Variants in TYR observed in about 807,000 individuals in gnomAD.
TYR encodes tyrosinase, also known as LB24-AB.
Under a neutral mutation model 51.5 loss-of-function variants are expected in TYR, and 58 were observed. That is an observed-to-expected ratio of 1.13 (90% CI 0.91 to 1.40). TYR has a LOEUF of 1.40. TYR is among the 40% of genes most tolerant of loss of function. The probability of loss-of-function intolerance (pLI) is 0.00; values close to 1 mark genes in which losing one functional copy is unlikely to be tolerated. For missense variants in TYR, 732 were observed against 647.4 expected, an observed-to-expected ratio of 1.13 and a Z score of -1.42; for synonymous variants, 263 against 235.2, an observed-to-expected ratio of 1.12 and a Z score of -1.08.
intron 2 of TYR, among the ~76,000 whole-genome samples, chr11:89,198,229 A>AC (rs1317583484): frequency 1.3e-5 from 2 of 151,760 alleles, no homozygotes; most frequent in African/African-American, 2.4e-5. Flanking sequence ...AACAACAACA[A>AC]AAAAAAAGGT....
At chr11:89,224,321 T>C (rs1445307321) in intron 2 of TYR, among the ~76,000 whole-genome samples, 1 of 152,148 alleles carries the variant, frequency 6.6e-6, no homozygotes, top group Non-Finnish European at 1.5e-5. Flanking sequence ...AAATTAATCC[T>C]TGCCACCAAC....
At chr11:89,262,028 A>T (rs988620901) in intron 3 of TYR, among the ~76,000 whole-genome samples, 4 of 152,156 alleles carry the variant, frequency 2.6e-5, no homozygotes, top group Non-Finnish European at 4.4e-5. Flanking sequence ...TACCAAAGCC[A>T]TGGAGAATAG....
At chr11:89,290,325 G>T (rs1944840739) in intron 4 of TYR, among the ~76,000 whole-genome samples, 1 of 152,000 alleles carries the variant, frequency 6.6e-6, no homozygotes, top group South Asian at 2.1e-4. Flanking sequence ...AGTAAAAATT[G>T]AGACCACTTG....
chr11:89,210,499 T>C (rs1237781280), intron 2 of TYR, among the ~76,000 whole-genome samples: 1 of 152,222 alleles, frequency 6.6e-6, no homozygotes, highest in Non-Finnish European at 1.5e-5. Flanking sequence ...TTGATTCGTG[T>C]ACCTGAAAGT....
chr11:89,287,636 C>T (rs899378842), intron 4 of TYR, among the ~76,000 whole-genome samples: 1 of 151,812 alleles, frequency 6.6e-6, no homozygotes, highest in African/African-American at 2.4e-5. Flanking sequence ...GTAGAATTAA[C>T]TAGTTGAAAA....
chr11:89,223,899 T>C (rs1943944552), intron 2 of TYR, among the ~76,000 whole-genome samples: 1 of 139,786 alleles, frequency 7.2e-6, no homozygotes, highest in African/African-American at 2.9e-5. Flanking sequence ...TTGTGCTTTT[T>C]CTTTAGCTGT....
intron 4 of TYR, among the ~76,000 whole-genome samples, chr11:89,286,347 C>T (rs977599701): frequency 6.6e-5 from 10 of 151,808 alleles, no homozygotes; most frequent in African/African-American, 2.4e-4. Context: ...GAAAAGGACA[C>T]GAAGAAAATA....
intron 3 of TYR, among the ~76,000 whole-genome samples, chr11:89,250,621 C>G (rs1944319525): frequency 6.6e-6 from 1 of 151,880 alleles, no homozygotes; most frequent in Non-Finnish European, 1.5e-5. Context: ...TTAATTTCTT[C>G]TAAGGCCTCT....
chr11:89,261,687 A>T (rs1324120941), intron 3 of TYR, among the ~76,000 whole-genome samples: 1 of 152,264 alleles, frequency 6.6e-6, no homozygotes, highest in African/African-American at 2.4e-5. Flanking sequence ...CTTGCGCAAT[A>T]CTATATGCCA....
At chr11:89,211,518 C>T (rs1943755601) in intron 2 of TYR, among the ~76,000 whole-genome samples, 1 of 152,094 alleles carries the variant, frequency 6.6e-6, no homozygotes, top group Non-Finnish European at 1.5e-5. Context: ...CTTTAACACC[C>T]CACTGTCAAT....
intron 2 of TYR, among the ~76,000 whole-genome samples, chr11:89,212,598 T>C (rs1038453379): frequency 6.6e-6 from 1 of 152,206 alleles, no homozygotes; most frequent in Non-Finnish European, 1.5e-5. Flanking sequence ...GAGGCCAGCA[T>C]CATCCTCATA....
chr11:89,182,280 G>A (rs76813036), intron 1 of TYR, among the ~76,000 whole-genome samples: 2,179 of 152,210 alleles, frequency 0.014, 51 homozygotes, highest in African/African-American at 0.05. Context: ...TCAAAGAAAC[G>A]TTAGCTCCAA....
intron 4 of TYR, among the ~76,000 whole-genome samples, chr11:89,287,300 A>G (rs1944800223): frequency 6.6e-6 from 1 of 151,890 alleles, no homozygotes; most frequent in Non-Finnish European, 1.5e-5. Flanking sequence ...GAAGTTTTCT[A>G]GAAAAATGCC....
intron 2 of TYR, among the ~76,000 whole-genome samples, chr11:89,225,098 C>T (rs1591166584): frequency 6.6e-6 from 1 of 151,238 alleles, no homozygotes; most frequent in Admixed American, 6.6e-5. Context: ...AATTGATATA[C>T]CTATTTTTGT....
chr11:89,179,012 C>A (rs976690936), intron 1 of TYR, among the ~76,000 whole-genome samples: 3 of 152,026 alleles, frequency 2.0e-5, no homozygotes, highest in Non-Finnish European at 2.9e-5. Context: ...GAACAGAGTA[C>A]TTGATTCATT....
chr11:89,266,354 T>A (rs1401976506), intron 3 of TYR, among the ~76,000 whole-genome samples: 3 of 151,992 alleles, frequency 2.0e-5, no homozygotes, highest in Non-Finnish European at 1.5e-5. Flanking sequence ...AGATAATTCA[T>A]AGAGAATTTT....
intron 4 of TYR, among the ~76,000 whole-genome samples, chr11:89,289,980 A>C (rs1182172332): frequency 6.6e-6 from 1 of 152,082 alleles, no homozygotes; most frequent in African/African-American, 2.4e-5. Flanking sequence ...AGGGCTATAC[A>C]TACATTGTCT....
chr11:89,245,468 T>TC (rs1361107686), intron 3 of TYR, among the ~76,000 whole-genome samples: 1 of 152,146 alleles, frequency 6.6e-6, no homozygotes, highest in Non-Finnish European at 1.5e-5. Flanking sequence ...ATACTCTTCC[T>TC]CCAACAAGGG....
At chr11:89,271,227 T>C (rs1944585202) in intron 3 of TYR, among the ~76,000 whole-genome samples, 1 of 151,874 alleles carries the variant, frequency 6.6e-6, no homozygotes, top group Admixed American at 6.6e-5. Context: ...AAACAATCCC[T>C]TGTAGTAAGT....
Sources: gnomAD v4.1 joint callset for allele counts (sites outside exome capture counted in the v4.1 genomes callset) on GRCh38, gnomAD v4.1.1 for gene constraint, MANE v1.5 for transcripts, NCBI Gene and HGNC (gene_info 2026-07-23, HGNC 2026-07-21) for gene names.